The following AKAP6 variants were observed in gnomAD, a reference collection of about 807,000 sequenced individuals.
The protein encoded by AKAP6 is A-kinase anchoring protein 6, also known as A-kinase anchor protein 6.
Under a neutral mutation model 188.5 loss-of-function variants are expected in AKAP6, and 58 were observed. The ratio of observed to expected loss-of-function variants is 0.31; its 90% CI spans 0.25 to 0.38. The LOEUF (loss-of-function observed/expected upper bound fraction) is 0.38, where lower values mean the gene tolerates loss of function less well. Among genes scored for constraint, AKAP6 ranks in the 10% least tolerant of loss-of-function variants. AKAP6 has a pLI of 1.00. For missense variants in AKAP6, 2,710 were observed against 2,740.0 expected, an observed-to-expected ratio of 0.99 and a Z score of 0.24; for synonymous variants, 989 against 998.6, an observed-to-expected ratio of 0.99 and a Z score of 0.18.
At chr14:32,380,103 G>A (rs1888301278) in intron 1 of AKAP6, among the ~76,000 whole-genome samples, 1 of 152,210 alleles carries the variant, frequency 6.6e-6, no homozygotes, top group Admixed American at 6.5e-5. Flanking sequence ...TGTCTCTGCT[G>A]AGCATCTAAA....
chr14:32,442,750 C>A (rs1890623663), intron 2 of AKAP6: 1 of 151,858 alleles, frequency 6.6e-6, no homozygotes, highest in Admixed American at 6.6e-5. Flanking sequence ...TATTTTAATT[C>A]ATCATAAGTA....
intron 1 of AKAP6, among the ~76,000 whole-genome samples, chr14:32,333,154 G>A (rs922526148): frequency 1.3e-5 from 2 of 152,126 alleles, no homozygotes; most frequent in African/African-American, 4.8e-5. Flanking sequence ...GTGTCTGCAT[G>A]AGGTACAGGA....
chr14:32,470,947 C>T (rs541601096), intron 2 of AKAP6, among the ~76,000 whole-genome samples: 2 of 152,224 alleles, frequency 1.3e-5, no homozygotes, highest in Non-Finnish European at 2.9e-5. Context: ...TTCCTAAGAC[C>T]TTTAATCCAT....
At chr14:32,407,181 G>C (rs1889323329) in intron 1 of AKAP6, among the ~76,000 whole-genome samples, 2 of 152,010 alleles carry the variant, frequency 1.3e-5, no homozygotes, top group African/African-American at 4.8e-5. Flanking sequence ...CCCCTTCTTG[G>C]CTACCCCTGT....
At chr14:32,534,783 T>G (rs1882589485) in intron 2 of AKAP6, among the ~76,000 whole-genome samples, 1 of 151,906 alleles carries the variant, frequency 6.6e-6, no homozygotes, top group Non-Finnish European at 1.5e-5. Flanking sequence ...CTGGCCAACC[T>G]GGTGAAACCC....
intron 7 of AKAP6, among the ~76,000 whole-genome samples, chr14:32,670,176 A>T (rs1343075713): frequency 2.0e-5 from 3 of 151,972 alleles, no homozygotes; most frequent in Non-Finnish European, 4.4e-5. Flanking sequence ...AAACTGTCAG[A>T]TCTCATGAAA....
chr14:32,444,363 A>T (rs1268971710), intron 2 of AKAP6, among the ~76,000 whole-genome samples: 1 of 152,262 alleles, frequency 6.6e-6, no homozygotes, highest in South Asian at 2.1e-4. Flanking sequence ...TCACGCTCAA[A>T]CTGAACTTAT....
intron 2 of AKAP6, among the ~76,000 whole-genome samples, chr14:32,481,565 C>T (rs1189127435): frequency 6.6e-6 from 1 of 152,078 alleles, no homozygotes; most frequent in East Asian, 1.9e-4. Flanking sequence ...GGGAATTGCC[C>T]TTTTATAAAA....
chr14:32,711,188 A>T (rs1891042413), intron 9 of AKAP6, among the ~76,000 whole-genome samples: 1 of 151,940 alleles, frequency 6.6e-6, no homozygotes, highest in Non-Finnish European at 1.5e-5. Context: ...CCAGGTTCTA[A>T]TTTTCCTTTT....
intron 4 of AKAP6, among the ~76,000 whole-genome samples, chr14:32,575,057 A>C (rs747648478): frequency 9.2e-5 from 14 of 152,184 alleles, no homozygotes; most frequent in Admixed American, 6.5e-4. Context: ...CTACCAGATA[A>C]AGGAGTTTAG....
rs1178573466 is a variant in AKAP6, at chr14:32,341,418, T to A, written c.-35+12010T>A. 2.0e-5 allele frequency among the ~76,000 whole-genome samples: 3 copies of A among 152,228 alleles called. No homozygotes were observed. In the East Asian group the frequency reaches 5.8e-4, roughly 29 times the overall value. ...CAAATATTAACAGTTTCATGATACTTTGATAACAGTTTCCAATAATTTGTT... is the reference window on the plus strand; with the variant it reads ...CAAATATTAACAGTTTCATGATACTATGATAACAGTTTCCAATAATTTGTT... On this transcript the variant is annotated intron_variant, in intron 1 of 13. Coordinates refer to ENST00000280979, the MANE Select transcript of AKAP6 (RefSeq NM_004274.5).
At chr14:32,788,728 G>A (rs1185937246) in intron 12 of AKAP6, among the ~76,000 whole-genome samples, 2 of 152,158 alleles carry the variant, frequency 1.3e-5, no homozygotes, top group South Asian at 4.1e-4. Context: ...GCTGTGTGGC[G>A]TCTCAGCAAA....
chr14:32,673,122 T>C (rs1447750630), intron 7 of AKAP6, among the ~76,000 whole-genome samples: 5 of 152,214 alleles, frequency 3.3e-5, no homozygotes, highest in African/African-American at 1.2e-4. Flanking sequence ...TGAGTTACTC[T>C]GTCTATGAAG....
intron 2 of AKAP6, among the ~76,000 whole-genome samples, chr14:32,489,739 CAGTCTTAA>C (rs1443195716): frequency 6.6e-6 from 1 of 152,228 alleles, no homozygotes; most frequent in Non-Finnish European, 1.5e-5. Flanking sequence ...CCTTGCTTTA[CAGTCTTAA>C]TGCCCATGTA....
intron 7 of AKAP6, among the ~76,000 whole-genome samples, chr14:32,642,851 T>A (rs1160691548): frequency 6.6e-6 from 1 of 152,188 alleles, no homozygotes; most frequent in East Asian, 1.9e-4. Context: ...GGATATGCCT[T>A]TGTGTGTATA....
At chr14:32,600,841 T>C in intron 7 of AKAP6, 49 bp downstream of exon 7, 2 of 1,536,260 alleles carry the variant, frequency 1.3e-6, no homozygotes, top group Non-Finnish European at 1.8e-6. Context: ...TGTCTTCTTT[T>C]GAACTAGGCA....
chr14:32,785,628 G>C (rs1260435123), intron 12 of AKAP6, among the ~76,000 whole-genome samples: 1 of 152,150 alleles, frequency 6.6e-6, no homozygotes, highest in Non-Finnish European at 1.5e-5. Context: ...GGAAGTACTT[G>C]CAAAGTGTTG....
At chr14:32,430,220 A>C (rs1890169066) in intron 1 of AKAP6, among the ~76,000 whole-genome samples, 2 of 152,152 alleles carry the variant, frequency 1.3e-5, no homozygotes, top group Non-Finnish European at 2.9e-5. Flanking sequence ...TGGATAAATA[A>C]CCCTAGGCAA....
At chr14:32,618,603 G>T (rs1886684582) in intron 7 of AKAP6, among the ~76,000 whole-genome samples, 1 of 152,128 alleles carries the variant, frequency 6.6e-6, no homozygotes, top group Admixed American at 6.6e-5. Context: ...TGGTTGATGG[G>T]TACTTAGGTT....
Sources: gnomAD v4.1 joint callset for allele counts (sites outside exome capture counted in the v4.1 genomes callset) on GRCh38, gnomAD v4.1.1 for gene constraint, MANE v1.5 for transcripts, NCBI Gene and HGNC (gene_info 2026-07-23, HGNC 2026-07-21) for gene names.